The following MAPK14 variants were observed in gnomAD, a reference collection of about 807,000 sequenced individuals.
The protein encoded by MAPK14 is CSAID-binding protein.
MAPK14 carries 16 observed loss-of-function variants against 49.6 expected under a neutral mutation model. The ratio of observed to expected loss-of-function variants is 0.32; its 90% CI spans 0.22 to 0.49. The LOEUF (loss-of-function observed/expected upper bound fraction) is 0.49. Ranked by LOEUF, MAPK14 falls within the 20% of genes least tolerant of loss-of-function variation. The pLI is 0.99. For synonymous variants in MAPK14, 142 were observed against 158.0 expected, an observed-to-expected ratio of 0.90 and a Z score of 0.76; for missense variants, 200 against 441.2, an observed-to-expected ratio of 0.45 and a Z score of 4.90.
Position 36,103,287 on chromosome 6 carries a change from G to A in MAPK14, c.841+638G>A, listed in dbSNP as rs538949345. Among the ~76,000 whole-genome samples, 9 of 152,158 alleles carry A rather than the reference G, an allele frequency of 5.9e-5. No homozygotes were observed. In the South Asian group the frequency reaches 1.5e-3, roughly 25 times the overall value. On this transcript the variant is annotated intron_variant, in intron 10 of 11. Coordinates refer to ENST00000229794, the MANE Select transcript of MAPK14 (RefSeq NM_139012.3). ...GTGATGGTGGCAGCTGAAGATATGT[G>A]TTGCCTTGGCTAAAAAAGGAGTTGC...
the MAPK14 span, among the ~76,000 whole-genome samples, chr6:36,116,358 G>A: frequency 6.6e-6 from 1 of 150,820 alleles, no homozygotes; most frequent in Non-Finnish European, 1.5e-5. Flanking sequence ...TTTTTGGACA[G>A]GGTCTCAGTC....
At chr6:36,104,832 A>G (rs552398030) in intron 10 of MAPK14, among the ~76,000 whole-genome samples, 9 of 152,290 alleles carry the variant, frequency 5.9e-5, no homozygotes, top group African/African-American at 1.9e-4. Context: ...GAGGGGAGAT[A>G]TTTGTGTTCC....
At chr6:36,103,257 G>C (rs951201663) in intron 10 of MAPK14, among the ~76,000 whole-genome samples, 5 of 152,174 alleles carry the variant, frequency 3.3e-5, no homozygotes, top group African/African-American at 1.2e-4. Context: ...CCTTGGCAGA[G>C]GGAAGTGATG....
chr6:36,105,414 A>G (rs1323936431), intron 10 of MAPK14, among the ~76,000 whole-genome samples: 1 of 121,090 alleles, frequency 8.3e-6, no homozygotes, highest in Non-Finnish European at 2.1e-5. Flanking sequence ...AGCTAATAAG[A>G]TCTTTGAGGA....
intron 9 of MAPK14, chr6:36,097,263 A>C (rs1337758206): frequency 6.6e-6 from 1 of 152,284 alleles, no homozygotes; most frequent in African/African-American, 2.4e-5. Flanking sequence ...TTTCCATGTC[A>C]TGCACTGAAT....
At chr6:36,074,616 T>A (rs1354370656) in intron 6 of MAPK14, among the ~76,000 whole-genome samples, 1 of 151,896 alleles carries the variant, frequency 6.6e-6, no homozygotes, top group African/African-American at 2.4e-5. Context: ...GACCATTTCT[T>A]TTTTTTTCCT....
At chr6:36,052,232 TGAC>T (rs1763429369) in intron 1 of MAPK14, among the ~76,000 whole-genome samples, 2 of 152,206 alleles carry the variant, frequency 1.3e-5, no homozygotes, top group Admixed American at 1.3e-4. Flanking sequence ...TGTGGCAAGG[TGAC>T]GACAGTGAGG....
chr6:36,076,320 C>CT (rs1764531294), intron 7 of MAPK14, among the ~76,000 whole-genome samples: 1 of 152,178 alleles, frequency 6.6e-6, no homozygotes, highest in Non-Finnish European at 1.5e-5. Context: ...GCTTATTTCT[C>CT]TTAAGTGTGT....
At chr6:36,102,779 C>A (rs1034696592) in intron 10 of MAPK14, 130 bp downstream of exon 10, 3 of 1,498,256 alleles carry the variant, frequency 2.0e-6, no homozygotes, top group Non-Finnish European at 2.7e-6. Context: ...GTGATAAATA[C>A]GGCTTTTATT....
intron 1 of MAPK14, among the ~76,000 whole-genome samples, chr6:36,042,590 C>G (rs1294830374): frequency 6.9e-6 from 1 of 144,418 alleles, no homozygotes. Flanking sequence ...CTCCTGAGTT[C>G]AAGTGATCTT....
chr6:36,037,643 T>C (rs1214014311), intron 1 of MAPK14, among the ~76,000 whole-genome samples: 2 of 152,044 alleles, frequency 1.3e-5, no homozygotes, highest in African/African-American at 4.8e-5. Flanking sequence ...CCGTAAGTGC[T>C]GGAGATGAAA....
chr6:36,037,893 G>A (rs577269398), intron 1 of MAPK14, among the ~76,000 whole-genome samples: 83 of 152,182 alleles, frequency 5.5e-4, no homozygotes, highest in African/African-American at 1.7e-3. Flanking sequence ...GGAGGCTGAG[G>A]TGGAGGGATT....
In MAPK14 at chr6:36,076,208, A is replaced by ATTTAG. The variant is rs1362484925; in HGVS notation, c.610+246_610+247insTTTAG. 3.2e-3 allele frequency among the ~76,000 whole-genome samples: 485 copies of ATTTAG among 152,292 alleles called. 3 individuals carry two copies. The highest frequency in any genetic ancestry group is 0.011 in the African/African-American group (446 of 41,538). On this transcript the variant is annotated intron_variant, in intron 7 of 11. Transcript: ENST00000229794. The stretch of plus-strand genomic sequence containing the variant: ...ATTTAGATTTTGAATATATTCTCTG[A>ATTTAG]GTACTTATACCTAAAGACAATTAGT...
At chr6:36,123,548 A>G in the MAPK14 span, among the ~76,000 whole-genome samples, 1 of 152,134 alleles carries the variant, frequency 6.6e-6, no homozygotes. Flanking sequence ...TCTTCCTCCT[A>G]TGGGTAGTAC....
chr6:36,027,858 C>G lies in MAPK14; in HGVS notation c.-300C>G, dbSNP rs1247600308. 1 of 402,792 alleles carries G rather than the reference C, an allele frequency of 2.5e-6. No individual in the cohort carries two copies. Among genetic ancestry groups the G allele is most frequent in the Non-Finnish European group, 4.4e-6 (1 of 229,218 alleles). The allele number at this position is 402,792 out of a possible 1,614,324, so 25.0% of individuals were successfully genotyped here. The stretch of plus-strand genomic sequence containing the variant: ...CTGGAACGGGAGTACTGCGACGCAG[C>G]CCGGAGTCGGCCTTGTAGGGGCGAA... On this transcript the variant is annotated 5_prime_UTR_variant, in exon 1 of 12. Coordinates refer to ENST00000229794, the MANE Select transcript of MAPK14 (RefSeq NM_139012.3).
chr6:36,035,416 T>A (rs1434129119), intron 1 of MAPK14, among the ~76,000 whole-genome samples: 1 of 152,160 alleles, frequency 6.6e-6, no homozygotes, highest in African/African-American at 2.4e-5. Flanking sequence ...GTTCCCTCTC[T>A]CCATCTCCTA....
rs149167465 is a variant in MAPK14 at position 36,096,290 on chromosome 6, A to T, written c.762+224A>T. 1,273 of 446,060 alleles carry T rather than the reference A, an allele frequency of 2.9e-3. 30 individuals carry two copies. The East Asian group carries it at 0.038, about 13-fold the overall frequency. 27.6% of individuals were successfully genotyped at this position (446,060 alleles called of 1,614,324 possible). On this transcript the variant is annotated intron_variant, in intron 9 of 11. Coordinates refer to ENST00000229794, the MANE Select transcript of MAPK14 (RefSeq NM_139012.3). ...TTTATTCTCTATCTGGGTACACACT[A>T]AGATCACGGGAGCCTCCATTAGACA... is the stretch of plus-strand genomic sequence containing the variant.
intron 1 of MAPK14, among the ~76,000 whole-genome samples, chr6:36,031,054 G>A (rs1158635361): frequency 2.0e-5 from 3 of 152,196 alleles, no homozygotes; most frequent in East Asian, 1.9e-4. Context: ...TCACTCTGTC[G>A]CCCAGGCTTG....
At chr6:36,097,932 C>A (rs1765500813) in intron 9 of MAPK14, 1 of 150,042 alleles carries the variant, frequency 6.7e-6, no homozygotes, top group Non-Finnish European at 1.5e-5. Context: ...GGTTTGTTTC[C>A]TACATAATTG....
Sources: gnomAD v4.1 joint callset for allele counts (sites outside exome capture counted in the v4.1 genomes callset) on GRCh38, gnomAD v4.1.1 for gene constraint, MANE v1.5 for transcripts, NCBI Gene and HGNC (gene_info 2026-07-23, HGNC 2026-07-21) for gene names.